Variants in CRYBA4 observed in about 807,000 individuals in gnomAD.
CRYBA4 encodes crystallin beta A4.
In CRYBA4, 30 loss-of-function variants were observed where a neutral mutation model predicts 31.7. The observed-to-expected ratio is 0.95, with a 90% confidence interval of 0.71 to 1.28. The LOEUF (loss-of-function observed/expected upper bound fraction) is 1.28, where lower values mean the gene tolerates loss of function less well. CRYBA4 is among the 50% of genes most tolerant of loss of function. CRYBA4 has a pLI of 0.00. For missense variants in CRYBA4, 225 were observed against 260.7 expected (o/e 0.86, Z 0.94); for synonymous variants, 102 against 102.3 (o/e 1.00, Z 0.02).
intron 5 of CRYBA4, among the ~76,000 whole-genome samples, chr22:26,629,597 G>T (rs913110262): frequency 6.6e-6 from 1 of 152,000 alleles, no homozygotes; most frequent in East Asian, 1.9e-4. Context: ...CAAAAAATTA[G>T]CTGGGTGTCG....
At chr22:26,599,921 G>A in the CRYBA4 span, among the ~76,000 whole-genome samples, 2 of 152,344 alleles carry the variant, frequency 1.3e-5, no homozygotes, top group African/African-American at 2.4e-5. Flanking sequence ...TGCTGGGGGG[G>A]ACCAAATGGA....
intron 4 of CRYBA4, among the ~76,000 whole-genome samples, chr22:26,627,539 T>C (rs1449379334): frequency 2.1e-5 from 3 of 142,862 alleles, no homozygotes; most frequent in African/African-American, 8.1e-5. Flanking sequence ...TCTTTCCTTT[T>C]CTTTCTTTCT....
At chr22:26,621,461 C>T (rs1187499143), upstream of CRYBA4, among the ~76,000 whole-genome samples, 1 of 152,198 alleles carries the variant, frequency 6.6e-6, no homozygotes, top group Non-Finnish European at 1.5e-5. Context: ...TCAAATGCCT[C>T]CTCTAACGGC....
chr22:26,628,173 G>T, intron 4 of CRYBA4, 115 bp from the exon 5 acceptor site: 2 of 1,477,686 alleles, frequency 1.4e-6, no homozygotes. Context: ...CCTTCCAAAA[G>T]GTTTGCAAGG....
chr22:26,607,813 C>T, the CRYBA4 span: 1 of 1,604,908 alleles, frequency 6.2e-7, no homozygotes, highest in Non-Finnish European at 8.5e-7. Flanking sequence ...TCCTTCTTGC[C>T]CTTGTCAGAT....
chr22:26,602,898 C>T, the CRYBA4 span, among the ~76,000 whole-genome samples: 12 of 150,714 alleles, frequency 8.0e-5, no homozygotes, highest in East Asian at 2.4e-3. Context: ...CCGAGGCGGG[C>T]AGATCATGTG....
intron 3 of CRYBA4, among the ~76,000 whole-genome samples, chr22:26,624,406 A>G (rs1416407358): frequency 6.6e-6 from 1 of 152,228 alleles, no homozygotes; most frequent in Non-Finnish European, 1.5e-5. Context: ...AGGTTCTAGA[A>G]AGTTGGAAAG....
intron 4 of CRYBA4, among the ~76,000 whole-genome samples, chr22:26,627,634 T>TTCTCTC (rs771986344): frequency 4.6e-4 from 61 of 131,868 alleles, no homozygotes; most frequent in African/African-American, 1.6e-3. Flanking sequence ...CCTTCCTTCC[T>TTCTCTC]TCTCTCTCTC....
At chr22:26,625,215 G>A (rs1280981882) in intron 3 of CRYBA4, among the ~76,000 whole-genome samples, 6 of 152,114 alleles carry the variant, frequency 3.9e-5, no homozygotes, top group Non-Finnish European at 5.9e-5. Flanking sequence ...CTGATGTTTC[G>A]GGCTGGATCA....
At chr22:26,598,743 A>T in the CRYBA4 span, among the ~76,000 whole-genome samples, 1 of 152,194 alleles carries the variant, frequency 6.6e-6, no homozygotes. Flanking sequence ...CATTATAAGG[A>T]TTTATTTACA....
chr22:26,613,446 AG>A, the CRYBA4 span, among the ~76,000 whole-genome samples: 2 of 152,238 alleles, frequency 1.3e-5, no homozygotes. Flanking sequence ...CCATGGCAGA[AG>A]AACGTGGATT....
upstream of CRYBA4, among the ~76,000 whole-genome samples, chr22:26,619,631 T>C (rs1929468411): frequency 6.6e-6 from 1 of 152,210 alleles, no homozygotes; most frequent in South Asian, 2.1e-4. Flanking sequence ...CCTCTGTCCC[T>C]CCACCACCCA....
Position 26,625,471 on chromosome 22 carries a change from C to T in CRYBA4, c.159-10C>T. 1 of 1,613,724 alleles carries T rather than the reference C, an allele frequency of 6.2e-7. No homozygotes were observed. On this transcript the variant is annotated splice_polypyrimidine_tract_variant and intron_variant, in intron 3 of 5. Coordinates refer to ENST00000354760, the MANE Select transcript of CRYBA4 (RefSeq NM_001886.3). The stretch of plus-strand genomic sequence containing the variant: ...GCTTACCTCCTGCACACTCTACCCT[C>T]TGTCTGCAGGTGGGTGGGCTTTGAG...
At chr22:26,616,070 A>T in the CRYBA4 span, 1 of 1,196,666 alleles carries the variant, frequency 8.4e-7, no homozygotes, top group Non-Finnish European at 1.3e-6. Flanking sequence ...GAGGAGGAGG[A>T]GAAGAAGGAG....
At chr22:26,603,190 G>A in the CRYBA4 span, among the ~76,000 whole-genome samples, 2 of 151,576 alleles carry the variant, frequency 1.3e-5, no homozygotes, top group African/African-American at 2.4e-5. Context: ...GGTGATCTTG[G>A]ACATTTTACT....
chr22:26,595,407 G>A, the CRYBA4 span, among the ~76,000 whole-genome samples: 1 of 151,766 alleles, frequency 6.6e-6, no homozygotes, highest in South Asian at 2.1e-4. Flanking sequence ...AAAAACCCCC[G>A]TCTCTACTAA....
chr22:26,590,657 A>G, the CRYBA4 span, among the ~76,000 whole-genome samples: 76 of 152,246 alleles, frequency 5.0e-4, no homozygotes, highest in African/African-American at 1.7e-3. Context: ...TTTGGTTGTC[A>G]TAACTGGGGA....
chr22:26,590,925 A>G, the CRYBA4 span, among the ~76,000 whole-genome samples: 2 of 152,228 alleles, frequency 1.3e-5, no homozygotes, highest in Admixed American at 1.3e-4. Context: ...GTAAAATTGG[A>G]AAAATAATAG....
chr22:26,630,299 G>T (rs1166209166), intron 5 of CRYBA4, 41 bp from the exon 6 acceptor site: 5 of 1,613,372 alleles, frequency 3.1e-6, no homozygotes, highest in Non-Finnish European at 4.2e-6. Flanking sequence ...CACCATGCTG[G>T]TGTCTCTGTA....
Sources: gnomAD v4.1 joint callset for allele counts (sites outside exome capture counted in the v4.1 genomes callset) on GRCh38, gnomAD v4.1.1 for gene constraint, MANE v1.5 for transcripts, NCBI Gene and HGNC (gene_info 2026-07-23, HGNC 2026-07-21) for gene names.